RPAP3: variants seen among roughly 807,000 people sequenced by gnomAD.
RPAP3 encodes RNA polymerase II-associated protein 3.
Under a neutral mutation model 88.8 loss-of-function variants are expected in RPAP3, and 58 were observed. The ratio of observed to expected loss-of-function variants is 0.65; its 90% CI spans 0.53 to 0.81. The LOEUF is 0.81. Among genes scored for constraint, RPAP3 ranks in the 40% least tolerant of loss-of-function variants. The pLI, the probability that RPAP3 is intolerant of heterozygous loss-of-function variation, is 0.00. For synonymous variants in RPAP3, 255 were observed against 259.9 expected, an observed-to-expected ratio of 0.98 and a Z score of 0.18; for missense variants, 751 against 764.3, an observed-to-expected ratio of 0.98 and a Z score of 0.20.
At chr12:47,679,377 C>A in intron 12 of RPAP3, 116 bp downstream of exon 12, 1 of 615,838 alleles carries the variant, frequency 1.6e-6, no homozygotes. Flanking sequence ...GCACATGTAC[C>A]CTAGAACTTA....
At chr12:47,666,252 T>C (rs1267149053) in intron 16 of RPAP3, among the ~76,000 whole-genome samples, 13 of 152,234 alleles carry the variant, frequency 8.5e-5, no homozygotes, top group Non-Finnish European at 2.9e-5. Flanking sequence ...ACGGACTCTT[T>C]ATGCCAAAAA....
chr12:47,667,051 A>T lies in RPAP3; in HGVS notation c.1841T>A (p.Ile614Asn). ...TTTTAGTTCAGAAAGTCTTTGTAAG[A>T]TTTCAAAGATGAGTAATGGCTTTTC... Reference protein sequence around the residue: ...EKEKPLLIFEILQRLSELKRF... With the variant: ...EKEKPLLIFENLQRLSELKRF... Residue 614 changes from isoleucine to asparagine, a missense_variant, in exon 16 of 17, where the codon ATC (isoleucine) becomes AAC (asparagine). Ile to Asn is a moderately radical substitution (Grantham distance 149). Coordinates refer to ENST00000005386, the MANE Select transcript of RPAP3 (RefSeq NM_024604.3). The T allele has an allele frequency of 6.6e-7, 1 of 1,510,330 alleles. No homozygotes were observed. The highest frequency in any genetic ancestry group is 8.8e-7 in the Non-Finnish European group (1 of 1,132,316). 93.6% of individuals were successfully genotyped at this position (1,510,330 alleles called of 1,614,324 possible). A position where few individuals can be genotyped will look rare whatever the true frequency, so the allele number is the denominator to read the frequency against.
At chr12:47,690,191 T>C (rs1336574594) in intron 6 of RPAP3, among the ~76,000 whole-genome samples, 1 of 152,236 alleles carries the variant, frequency 6.6e-6, no homozygotes, top group Non-Finnish European at 1.5e-5. Context: ...AAATGTGTTA[T>C]GAGCTTTAAA....
intron 5 of RPAP3, among the ~76,000 whole-genome samples, chr12:47,692,906 G>A (rs1170302686): frequency 6.6e-6 from 1 of 152,154 alleles, no homozygotes; most frequent in African/African-American, 2.4e-5. Flanking sequence ...TTGAGACAGA[G>A]CGTCACTCTC....
At chr12:47,692,772 A>T (rs1052620855) in intron 5 of RPAP3, among the ~76,000 whole-genome samples, 5 of 152,234 alleles carry the variant, frequency 3.3e-5, no homozygotes, top group Non-Finnish European at 4.4e-5. Flanking sequence ...TTGGCTTTCG[A>T]CATGCCGTCC....
At position 47,663,137 on chromosome 12, in the gene RPAP3, A is replaced by T. The variant is rs1938793297; in HGVS notation, c.*368T>A. 6.3e-6 allele frequency: 1 copy of T among 159,934 alleles called. No homozygotes were observed. The highest frequency in any genetic ancestry group is 1.4e-5 in the Non-Finnish European group (1 of 73,372). 9.9% of individuals were successfully genotyped at this position (159,934 alleles called of 1,614,324 possible). A position where few individuals can be genotyped will look rare whatever the true frequency, so the allele number is the denominator to read the frequency against. ...ATTTAACTTCCTCTTTACAAAGGTA[A>T]TTATTCATATGCTAATGAAGCAGCT... On this transcript the variant is annotated 3_prime_UTR_variant, in exon 17 of 17. Coordinates refer to ENST00000005386, the MANE Select transcript of RPAP3 (RefSeq NM_024604.3).
At chr12:47,695,285 C>T (rs930224558) in intron 5 of RPAP3, among the ~76,000 whole-genome samples, 1 of 151,936 alleles carries the variant, frequency 6.6e-6, no homozygotes, top group African/African-American at 2.4e-5. Flanking sequence ...AAGAATGAAT[C>T]ATAAAAATAT....
intron 6 of RPAP3, among the ~76,000 whole-genome samples, chr12:47,690,041 CAA>C (rs573336232): frequency 1.6e-4 from 9 of 56,582 alleles, no homozygotes; most frequent in East Asian, 5.5e-4. Flanking sequence ...GACTCTGTCT[CAA>C]AAAAAAAAAA....
At chr12:47,680,822 C>T (rs1242384032) in intron 10 of RPAP3, among the ~76,000 whole-genome samples, 2 of 149,532 alleles carry the variant, frequency 1.3e-5, no homozygotes, top group Non-Finnish European at 3.0e-5. Flanking sequence ...GCTGATAAAA[C>T]CACAGCCCGA....
chr12:47,705,500 C>T (rs1939771549), intron 1 of RPAP3, among the ~76,000 whole-genome samples: 1 of 152,222 alleles, frequency 6.6e-6, no homozygotes, highest in Admixed American at 6.5e-5. Context: ...ACCGCTGCTG[C>T]TCGAGCAGGC....
At chr12:47,687,704 A>G (rs1033062267) in intron 8 of RPAP3, among the ~76,000 whole-genome samples, 172 bp downstream of exon 8, 8 of 152,166 alleles carry the variant, frequency 5.3e-5, no homozygotes, top group African/African-American at 1.9e-4. Context: ...TAAAGTCATC[A>G]ATTACCCAAA....
intron 16 of RPAP3, among the ~76,000 whole-genome samples, chr12:47,663,877 C>T (rs887104057): frequency 1.3e-5 from 2 of 152,124 alleles, no homozygotes; most frequent in African/African-American, 2.4e-5. Context: ...TTCTGTACTA[C>T]CTTAAAAATG....
chr12:47,682,405 A>G (rs1032649994), intron 9 of RPAP3, among the ~76,000 whole-genome samples: 2 of 152,178 alleles, frequency 1.3e-5, no homozygotes, highest in East Asian at 3.8e-4. Context: ...AAAAAAACCC[A>G]ATAACAAAAA....
intron 9 of RPAP3, among the ~76,000 whole-genome samples, chr12:47,685,768 TTGTC>T (rs1285096354): frequency 1.3e-5 from 2 of 152,178 alleles, no homozygotes; most frequent in Admixed American, 6.5e-5. Context: ...TAACATTAAC[TTGTC>T]TGTATTTTAA....
intron 9 of RPAP3, 82 bp from the exon 10 acceptor site, chr12:47,681,899 A>G: frequency 7.6e-7 from 1 of 1,319,344 alleles, no homozygotes; most frequent in Non-Finnish European, 1.0e-6. Flanking sequence ...CTAATTTAAA[A>G]AGCTTGTATA....
chr12:47,668,853 T>A, intron 14 of RPAP3, 63 bp downstream of exon 14: 1 of 1,275,644 alleles, frequency 7.8e-7, no homozygotes, highest in Non-Finnish European at 1.1e-6. Context: ...ACCATTATTA[T>A]AAAGTGACAG....
chr12:47,700,919 A>T (rs1939642219), intron 3 of RPAP3, among the ~76,000 whole-genome samples: 1 of 152,224 alleles, frequency 6.6e-6, no homozygotes, highest in African/African-American at 2.4e-5. Context: ...GTATCTTAGA[A>T]TTCTGACTGT....
chr12:47,674,867 C>T (rs2136615469), intron 12 of RPAP3, among the ~76,000 whole-genome samples: 1 of 152,226 alleles, frequency 6.6e-6, no homozygotes, highest in South Asian at 2.1e-4. Context: ...GCAAGGCAGG[C>T]CAACATTCAA....
chr12:47,701,500 T>C lies in RPAP3; in HGVS notation c.258A>G (p.Lys86=), dbSNP rs1486185137. The C allele has an allele frequency of 6.2e-7, 1 of 1,602,394 alleles. No homozygotes were observed. Among genetic ancestry groups the C allele is most frequent in the African/African-American group, 1.3e-5 (1 of 74,360 alleles). The change falls in exon 3 of 17, where the codon AAA becomes AAG. Residue 86 remains lysine (K), a synonymous_variant. Transcript: ENST00000005386. The part of the protein sequence containing the change: ...TREENTKNRI[K]SYDYEAWAKL... The stretch of plus-strand genomic sequence containing the variant: ...TTGCCCATGCCTCATAATCATAAGA[T>C]TTTATCCTGTTTTTTGTGTTTTCCT...
Sources: allele counts gnomAD v4.1 joint callset (sites outside exome capture counted in the v4.1 genomes callset), GRCh38; gene constraint gnomAD v4.1.1; transcripts MANE v1.5; gene names NCBI Gene and HGNC (gene_info 2026-07-23, HGNC 2026-07-21).